The following SNRK variants were observed in gnomAD, a reference collection of about 807,000 sequenced individuals.
SNRK encodes the protein SNF related kinase, also known as SNF-related serine/threonine-protein kinase.
In SNRK, 3 loss-of-function variants were observed where a neutral mutation model predicts 48.2. That is an observed-to-expected ratio of 0.06 (90% confidence interval 0.03 to 0.16). SNRK has a LOEUF of 0.16. SNRK is among the 10% of genes least tolerant of loss of function. SNRK has a pLI of 1.00. For missense variants in SNRK, 627 were observed against 976.0 expected (o/e 0.64, Z 4.76); for synonymous variants, 376 against 366.1 (o/e 1.03, Z -0.31).
chr3:43,309,247 A>G (rs2090960473), intron 3 of SNRK, among the ~76,000 whole-genome samples: 1 of 152,142 alleles, frequency 6.6e-6, no homozygotes, highest in Non-Finnish European at 1.5e-5. Context: ...ATTAGTGAAG[A>G]TGTGAATATT....
intron 3 of SNRK, among the ~76,000 whole-genome samples, chr3:43,316,666 G>T: frequency 1.3e-5 from 2 of 150,950 alleles, no homozygotes; most frequent in Admixed American, 6.6e-5. Context: ...ACCACTCTCT[G>T]CTCATTTAGG....
At chr3:43,327,675 G>A (rs1053537335) in intron 3 of SNRK, among the ~76,000 whole-genome samples, 2 of 151,598 alleles carry the variant, frequency 1.3e-5, no homozygotes, top group Non-Finnish European at 2.9e-5. Context: ...TCCCCACCCT[G>A]TTGGCATTTG....
At chr3:43,317,610 T>G (rs546248007) in intron 3 of SNRK, among the ~76,000 whole-genome samples, 1 of 152,304 alleles carries the variant, frequency 6.6e-6, no homozygotes, top group Non-Finnish European at 1.5e-5. Flanking sequence ...TTCCCAGACT[T>G]TCCTCTCACT....
chr3:43,348,278 A>G lies in SNRK; in HGVS notation c.2019A>G (p.Ser673=), dbSNP rs370810506. The G allele has an allele frequency of 6.1e-5, 98 of 1,613,894 alleles. No individual in the cohort carries two copies. The highest frequency in any genetic ancestry group is 8.1e-5 in the Non-Finnish European group (95 of 1,179,974). Residue 673 remains serine, a synonymous_variant, in exon 7 of 7, where the codon TCA becomes TCG. Transcript: ENST00000296088. ...TTATTGATCCACAGAATGGCTTGTC[A>G]TTTTCCAGTGTGAAAGTCCAAGAGA... is the stretch of plus-strand genomic sequence containing the variant. The part of the protein sequence containing the change: ...KYIIDPQNGL[S]FSSVKVQEKS...
At position 43,292,538 on chromosome 3, in the gene SNRK, A is replaced by G. The variant is rs373944527; in HGVS notation, c.-169+5863A>G. Among the ~76,000 whole-genome samples, 77 of 152,342 alleles carry G rather than the reference A, an allele frequency of 5.1e-4. No individual in the cohort carries two copies. The South Asian group carries it at 0.014, about 28-fold the overall frequency. ...TTGCTTAAATGATGAGCCAGTAGGT[A>G]TTCTTCAGAATCAGCTGTAGGTATT... is the stretch of plus-strand genomic sequence containing the variant. On this transcript the variant is annotated intron_variant, in intron 1 of 6. Coordinates refer to ENST00000296088, the MANE Select transcript of SNRK (RefSeq NM_017719.5).
At chr3:43,339,180 G>T (rs2091213552) in intron 4 of SNRK, among the ~76,000 whole-genome samples, 1 of 152,182 alleles carries the variant, frequency 6.6e-6, no homozygotes, top group Admixed American at 6.5e-5. Flanking sequence ...ATTAACTTCT[G>T]TGTACCACAC....
intron 4 of SNRK, among the ~76,000 whole-genome samples, chr3:43,335,447 T>G (rs1334875529): frequency 6.6e-6 from 1 of 152,200 alleles, no homozygotes; most frequent in Non-Finnish European, 1.5e-5. Flanking sequence ...GCCTCTATGG[T>G]ACCAGTGTTG....
At position 43,332,156 on chromosome 3, in the gene SNRK, C is replaced by T. The variant is rs560839908; in HGVS notation, c.590-13C>T. ...ATTAGTCCAATATTTTAAAGTATGT[C>T]TTTGATTTATAGATATTTGGAGTCT... On this transcript the variant is annotated splice_polypyrimidine_tract_variant and intron_variant, in intron 3 of 6. Coordinates refer to ENST00000296088, the MANE Select transcript of SNRK (RefSeq NM_017719.5). 11 of 1,526,082 alleles carry T rather than the reference C, an allele frequency of 7.2e-6. No individual in the cohort carries two copies. The African/African-American group carries it at 1.4e-4, about 19-fold the overall frequency. 94.5% of individuals were successfully genotyped at this position (1,526,082 alleles called of 1,614,324 possible).
chr3:43,340,245 G>A lies in SNRK; in HGVS notation c.732-42G>A, dbSNP rs771185636. On this transcript the variant is annotated intron_variant, in intron 4 of 6. Coordinates refer to ENST00000296088, the MANE Select transcript of SNRK (RefSeq NM_017719.5). ...AAATGATCCATCATTACTGATCCTTGCAAGCAGTTTGCTTTAACAATGGAC... is the reference window on the plus strand; with the variant it reads ...AAATGATCCATCATTACTGATCCTTACAAGCAGTTTGCTTTAACAATGGAC... 4.1e-6 allele frequency: 6 copies of A among 1,460,840 alleles called. No homozygotes were observed. The East Asian group carries it at 1.4e-4, about 33-fold the overall frequency. 90.5% of individuals were successfully genotyped at this position (1,460,840 alleles called of 1,614,324 possible).
At chr3:43,317,910 G>A (rs2091025390) in intron 3 of SNRK, among the ~76,000 whole-genome samples, 1 of 152,170 alleles carries the variant, frequency 6.6e-6, no homozygotes, top group South Asian at 2.1e-4. Context: ...TTATTGAGGG[G>A]ATTAGATGAA....
chr3:43,303,068 C>T lies in SNRK; in HGVS notation c.-106-30C>T. 1 of 564,312 alleles carries T rather than the reference C, an allele frequency of 1.8e-6. No individual in the cohort carries two copies. Among genetic ancestry groups the T allele is most frequent in the Non-Finnish European group, 2.9e-6 (1 of 347,146 alleles). 35.0% of individuals were successfully genotyped at this position (564,312 alleles called of 1,614,324 possible). On this transcript the variant is annotated intron_variant, in intron 2 of 6. Coordinates refer to ENST00000296088, the MANE Select transcript of SNRK (RefSeq NM_017719.5). This position sits in a 1 kb window ranked among gnomAD's most constrained non-coding sequence, Gnocchi z 6.2. Reference sequence around the variant, plus strand: ...AGTTTGTGAAGAAAAGTCGCAGAAACTTAATTTTGTTTCTCTTCTTATTTT... The same window carrying T: ...AGTTTGTGAAGAAAAGTCGCAGAAATTTAATTTTGTTTCTCTTCTTATTTT...
At chr3:43,345,191 T>G (rs1024403744) in intron 6 of SNRK, among the ~76,000 whole-genome samples, 1 of 152,194 alleles carries the variant, frequency 6.6e-6, no homozygotes, top group South Asian at 2.1e-4. Flanking sequence ...TATGAGCACC[T>G]TTTTTTCTAT....
chr3:43,320,358 C>T (rs540802644), intron 3 of SNRK, among the ~76,000 whole-genome samples: 6 of 152,242 alleles, frequency 3.9e-5, no homozygotes, highest in Non-Finnish European at 5.9e-5. Context: ...TAACAGAGTT[C>T]GTATGCGTCA....
In SNRK at chr3:43,348,359, A is replaced by C. The variant is rs1005588733; in HGVS notation, c.2100A>C (p.Ala700=). Residue 700 remains alanine (A), a synonymous_variant, in exon 7 of 7, where the codon GCA becomes GCC. Transcript: ENST00000296088. ...CAGGGAATGCAGGGCAGGTCCCTGC[A>C]GTGGGCGGCATAAAGTTTTTCTCTG... The part of the protein sequence containing the change: ...SSTGNAGQVP[A]VGGIKFFSDH... The C allele has an allele frequency of 4.4e-6, 7 of 1,608,432 alleles. No homozygotes were observed. Among genetic ancestry groups the C allele is most frequent in the Admixed American group, 1.7e-5 (1 of 59,138 alleles).
intron 3 of SNRK, among the ~76,000 whole-genome samples, chr3:43,305,429 T>G (rs927890085): frequency 7.9e-5 from 12 of 152,152 alleles, no homozygotes; most frequent in African/African-American, 2.9e-4. Context: ...AGCATACTTT[T>G]TAAGAGAAAC....
chr3:43,295,742 CT>C (rs939911009), intron 1 of SNRK, among the ~76,000 whole-genome samples: 3 of 151,378 alleles, frequency 2.0e-5, no homozygotes, highest in Non-Finnish European at 3.0e-5. Flanking sequence ...ATATTGTTTA[CT>C]TTTTTTTTGT....
intron 4 of SNRK, among the ~76,000 whole-genome samples, chr3:43,334,412 G>A (rs567988677): frequency 2.6e-5 from 4 of 151,510 alleles, no homozygotes; most frequent in Admixed American, 1.3e-4. Flanking sequence ...GGTGAGCTGC[G>A]ATTGCACCAC....
At chr3:43,332,930 TG>T (rs1445102374) in intron 4 of SNRK, 1 of 152,184 alleles carries the variant, frequency 6.6e-6, no homozygotes, top group Non-Finnish European at 1.5e-5. Context: ...ATAGAACTGT[TG>T]GAAGTTCAGT....
chr3:43,334,545 C>T (rs555961913), intron 4 of SNRK, among the ~76,000 whole-genome samples: 1 of 151,012 alleles, frequency 6.6e-6, no homozygotes, highest in East Asian at 1.9e-4. Context: ...TTTTAAGGGA[C>T]ATGTCTGCTT....
Sources: gnomAD v4.1 joint callset for allele counts (sites outside exome capture counted in the v4.1 genomes callset) on GRCh38, gnomAD v4.1.1 for gene constraint, Gnocchi (gnomAD v3.1) non-coding constraint, MANE v1.5 for transcripts, NCBI Gene and HGNC (gene_info 2026-07-23, HGNC 2026-07-21) for gene names.